Variants in RTL4 observed in about 807,000 individuals in gnomAD.
RTL4 encodes the protein retrotransposon Gag like 4, also known as retrotransposon Gag-like protein 4.
In RTL4, 4 loss-of-function variants were observed where a neutral mutation model predicts 5.3. The observed-to-expected ratio is 0.75, with a 90% CI of 0.37 to 1.72. The LOEUF (loss-of-function observed/expected upper bound fraction) is 1.72, where lower values mean the gene tolerates loss of function less well. Among genes scored for constraint, RTL4 ranks in the 40% most tolerant of loss-of-function variants. The probability of loss-of-function intolerance (pLI) is 0.04; values close to 1 mark genes in which losing one functional copy is unlikely to be tolerated. For missense variants in RTL4, 260 were observed against 227.1 expected (o/e 1.14, Z -0.93); for synonymous variants, 98 against 87.3 (o/e 1.12, Z -0.68).
At chrX:112,157,365 C>T in the RTL4 span, among the ~76,000 whole-genome samples, 2 of 110,639 alleles carry the variant, frequency 1.8e-5, no homozygotes, top group African/African-American at 3.3e-5. Flanking sequence ...GTTCTAGCTC[C>T]GATGTTTTGT....
the RTL4 span, among the ~76,000 whole-genome samples, chrX:112,212,941 C>T: frequency 8.9e-6 from 1 of 112,280 alleles, no homozygotes; most frequent in African/African-American, 3.2e-5. Flanking sequence ...CTGCCACCCC[C>T]GCCCCACCCT....
the RTL4 span, among the ~76,000 whole-genome samples, chrX:112,258,918 T>G: frequency 1.9e-4 from 21 of 111,539 alleles, no homozygotes; most frequent in Admixed American, 2.0e-3. Flanking sequence ...CATCAGTTAT[T>G]GAATAATTTG....
At chrX:112,174,947 T>C in the RTL4 span, among the ~76,000 whole-genome samples, 1 of 75,503 alleles carries the variant, frequency 1.3e-5, no homozygotes, top group African/African-American at 4.5e-5. Context: ...TCTTGTAAAT[T>C]TGTTTGAGTT....
At chrX:112,399,413 T>C in the RTL4 span, among the ~76,000 whole-genome samples, 1,943 of 111,542 alleles carry the variant, frequency 0.017, 47 homozygotes, top group African/African-American at 0.06. Context: ...CTGAAGTTGT[T>C]GATTTGATTT....
the RTL4 span, among the ~76,000 whole-genome samples, chrX:112,233,579 T>C: frequency 8.9e-6 from 1 of 111,783 alleles, no homozygotes; most frequent in Middle Eastern, 4.6e-3. Flanking sequence ...CTATTTTAAC[T>C]CTAAAACTTT....
At chrX:112,312,410 G>A in the RTL4 span, among the ~76,000 whole-genome samples, 3 of 111,959 alleles carry the variant, frequency 2.7e-5, no homozygotes, top group African/African-American at 9.7e-5. Flanking sequence ...TTGATTTTCA[G>A]CTGTAGAATA....
chrX:112,246,778 C>T, the RTL4 span, among the ~76,000 whole-genome samples: 2 of 111,276 alleles, frequency 1.8e-5, no homozygotes, highest in African/African-American at 6.5e-5. Flanking sequence ...GCTGGAAATG[C>T]AGAAATCACC....
the RTL4 span, among the ~76,000 whole-genome samples, chrX:112,198,768 CA>C: frequency 9.0e-6 from 1 of 110,998 alleles, no homozygotes; most frequent in South Asian, 3.8e-4. Context: ...TTAAGATATA[CA>C]AGGATTTATA....
At chrX:112,246,968 C>T in the RTL4 span, among the ~76,000 whole-genome samples, 2 of 111,794 alleles carry the variant, frequency 1.8e-5, no homozygotes, top group African/African-American at 3.3e-5. Flanking sequence ...TATAAGTAGG[C>T]TGTGATATGT....
At chrX:112,321,256 G>A in the RTL4 span, among the ~76,000 whole-genome samples, 41 of 111,754 alleles carry the variant, frequency 3.7e-4, no homozygotes, top group African/African-American at 1.3e-3. Context: ...ATAAAATTTG[G>A]GCGGGGCTAG....
chrX:112,262,158 A>G, the RTL4 span, among the ~76,000 whole-genome samples: 21 of 112,384 alleles, frequency 1.9e-4, no homozygotes, highest in Non-Finnish European at 3.0e-4. Context: ...CTAAAACACC[A>G]AAAGCAATGG....
chrX:112,275,224 CG>C, the RTL4 span, among the ~76,000 whole-genome samples: 1 of 105,667 alleles, frequency 9.5e-6, no homozygotes, highest in Admixed American at 1.0e-4. Context: ...TAGCTGAGAG[CG>C]GGGTAAAGAA....
the RTL4 span, among the ~76,000 whole-genome samples, chrX:112,160,226 G>T: frequency 8.9e-6 from 1 of 111,912 alleles, no homozygotes; most frequent in East Asian, 2.8e-4. Flanking sequence ...GGAGTTGACA[G>T]TTTCATTGAA....
chrX:112,112,804 G>A, the RTL4 span, among the ~76,000 whole-genome samples: 1 of 111,824 alleles, frequency 8.9e-6, no homozygotes, highest in Non-Finnish European at 1.9e-5. Flanking sequence ...CACGTAAGTT[G>A]GGACGTGTGG....
chrX:112,424,919 T>A, the RTL4 span, among the ~76,000 whole-genome samples: 976 of 111,292 alleles, frequency 8.8e-3, 8 homozygotes, highest in African/African-American at 0.03. Context: ...TGGATGAAGC[T>A]ACATTGATGC....
At chrX:112,124,699 G>A in the RTL4 span, among the ~76,000 whole-genome samples, 7 of 97,083 alleles carry the variant, frequency 7.2e-5, no homozygotes, top group South Asian at 1.3e-3. Flanking sequence ...TTGAGGGGAG[G>A]GAATTAGAGG....
chrX:112,258,144 T>C, the RTL4 span, among the ~76,000 whole-genome samples: 1 of 110,442 alleles, frequency 9.1e-6, no homozygotes, highest in Non-Finnish European at 1.9e-5. Context: ...TTTTAAAAAG[T>C]TATTAATAGT....
the RTL4 span, among the ~76,000 whole-genome samples, chrX:112,219,350 T>C: frequency 1.8e-5 from 2 of 112,140 alleles, no homozygotes; most frequent in African/African-American, 6.5e-5. Context: ...TATGCCCAGA[T>C]CAGTGTATTT....
the RTL4 span, among the ~76,000 whole-genome samples, chrX:112,133,686 T>G: frequency 8.9e-6 from 1 of 112,210 alleles, no homozygotes; most frequent in Non-Finnish European, 1.9e-5. Flanking sequence ...GCTTAATCCC[T>G]CTGTGCCTCA....
Sources: allele counts gnomAD v4.1 joint callset (sites outside exome capture counted in the v4.1 genomes callset), GRCh38; gene constraint gnomAD v4.1.1; transcripts MANE v1.5; gene names NCBI Gene and HGNC (gene_info 2026-07-23, HGNC 2026-07-21).